The following RABGEF1 variants were observed in gnomAD, a reference collection of about 807,000 sequenced individuals.
The protein encoded by RABGEF1 is RAB guanine nucleotide exchange factor 1.
Under a neutral mutation model 57.3 loss-of-function variants are expected in RABGEF1, and 26 were observed. The ratio of observed to expected loss-of-function variants is 0.45; its 90% CI spans 0.33 to 0.63. The LOEUF is 0.63. Among genes scored for constraint, RABGEF1 ranks in the 20% least tolerant of loss-of-function variants. The probability of loss-of-function intolerance (pLI) is 0.02; values close to 1 mark genes in which losing one functional copy is unlikely to be tolerated. For synonymous variants in RABGEF1, 185 were observed against 210.7 expected (o/e 0.88, Z 1.06); for missense variants, 464 against 607.6 (o/e 0.76, Z 2.48).
chr7:66,692,069 A>G (rs1367481630), intron 1 of RABGEF1, among the ~76,000 whole-genome samples: 1 of 150,840 alleles, frequency 6.6e-6, no homozygotes, highest in Non-Finnish European at 1.5e-5. Flanking sequence ...TAAAAAACAA[A>G]CAAACAAACA....
chr7:66,733,018 C>T (rs1467860256), intron 2 of RABGEF1, among the ~76,000 whole-genome samples: 1 of 152,156 alleles, frequency 6.6e-6, no homozygotes, highest in Non-Finnish European at 1.5e-5. Context: ...CCCCAGCTCC[C>T]TATATAATGC....
the RABGEF1 span, among the ~76,000 whole-genome samples, chr7:66,659,463 A>G: frequency 6.6e-6 from 1 of 151,434 alleles, no homozygotes; most frequent in African/African-American, 2.4e-5. Context: ...AAAAAAAAAA[A>G]AGAAAAAAGA....
At chr7:66,757,877 C>T (rs1382043943) in intron 1 of RABGEF1, among the ~76,000 whole-genome samples, 1 of 152,182 alleles carries the variant, frequency 6.6e-6, no homozygotes, top group Non-Finnish European at 1.5e-5. Flanking sequence ...TCCCAAAGTG[C>T]TGGGATTACA....
intron 2 of RABGEF1, among the ~76,000 whole-genome samples, chr7:66,772,451 C>T (rs1239455982): frequency 2.7e-5 from 4 of 150,916 alleles, no homozygotes; most frequent in African/African-American, 9.9e-5. Flanking sequence ...CATTATTTCC[C>T]TCATTCTTTT....
At chr7:66,677,413 A>G (rs1301763774), upstream of RABGEF1, among the ~76,000 whole-genome samples, 2 of 152,154 alleles carry the variant, frequency 1.3e-5, no homozygotes, top group African/African-American at 4.8e-5. Context: ...TCTCTATAAA[A>G]AATAAGAAAT....
intron 2 of RABGEF1, among the ~76,000 whole-genome samples, chr7:66,721,816 A>G (rs1390321746): frequency 5.9e-5 from 9 of 152,028 alleles, no homozygotes; most frequent in Non-Finnish European, 1.0e-4. Flanking sequence ...CAAAACACAA[A>G]TTTAGGTGGT....
At chr7:66,660,363 A>G in the RABGEF1 span, among the ~76,000 whole-genome samples, 6 of 150,958 alleles carry the variant, frequency 4.0e-5, no homozygotes, top group East Asian at 9.7e-4. Context: ...AAAAAAAAAG[A>G]AAGAAAAAAG....
At chr7:66,681,691 G>C (rs1381460606), upstream of RABGEF1, among the ~76,000 whole-genome samples, 4 of 152,128 alleles carry the variant, frequency 2.6e-5, no homozygotes, top group Non-Finnish European at 4.4e-5. Context: ...TGGATCAAAC[G>C]ATTGGCTTAA....
intron 7 of RABGEF1, among the ~76,000 whole-genome samples, chr7:66,799,816 G>A (rs1786858621): frequency 6.6e-6 from 1 of 152,104 alleles, no homozygotes; most frequent in Admixed American, 6.6e-5. Context: ...GTAAGGCAAG[G>A]TAATCCCCAC....
intron 1 of RABGEF1, among the ~76,000 whole-genome samples, chr7:66,751,764 T>C (rs1801481658): frequency 6.6e-6 from 1 of 152,188 alleles, no homozygotes; most frequent in Non-Finnish European, 1.5e-5. Context: ...AAAATTTCAC[T>C]CTTGATTTTC....
chr7:66,810,745 G>A lies in RABGEF1; in HGVS notation c.*1461G>A, dbSNP rs1789337544. On this transcript the variant is annotated 3_prime_UTR_variant, in exon 9 of 9. Transcript: ENST00000284957. Reference sequence around the variant, plus strand: ...CCCCAGGGCACCGTTCTAGAACAACGTCACTTCACACAGGCAGCTGAGAAA... The same window carrying A: ...CCCCAGGGCACCGTTCTAGAACAACATCACTTCACACAGGCAGCTGAGAAA... 6.6e-6 allele frequency: 1 copy of A among 152,206 alleles called. No homozygotes were observed. Among genetic ancestry groups the A allele is most frequent in the Non-Finnish European group, 1.5e-5 (1 of 68,048 alleles). 9.4% of individuals were successfully genotyped at this position (152,206 alleles called of 1,614,324 possible).
Position 66,772,031 on chromosome 7 carries a change from C to G in RABGEF1, c.132C>G (p.His44Gln). Residue 44 changes from histidine to glutamine, a missense_variant, in exon 2 of 9, where the codon CAC (histidine) becomes CAG (glutamine). This residue lies in a region of RABGEF1 where 12 missense variants were observed against 46.0 expected (regional missense o/e 0.26). Transcript: ENST00000284957. ...FCSKCWREEY[H>Q]KARQKQIQED... is the part of the protein sequence containing the mutation. ...CCAAGTGCTGGAGGGAAGAGTACCA[C>G]AAAGCCAGGCAGAAGCAGATTCAGG... 1 of 1,584,560 alleles carries G rather than the reference C, an allele frequency of 6.3e-7. No individual in the cohort carries two copies. The highest frequency in any genetic ancestry group is 2.3e-5 in the East Asian group (1 of 42,760).
chr7:66,705,920 G>A (rs1366638191), intron 1 of RABGEF1, among the ~76,000 whole-genome samples: 2 of 117,154 alleles, frequency 1.7e-5, no homozygotes, highest in Non-Finnish European at 3.3e-5. Context: ...TTTTGAGACG[G>A]AGTCTCGCTT....
At chr7:66,661,298 C>CAAAAAAAAAAAAA in the RABGEF1 span, among the ~76,000 whole-genome samples, 2 of 78,024 alleles carry the variant, frequency 2.6e-5, no homozygotes, top group Non-Finnish European at 4.6e-5. Context: ...GACTCCATCT[C>CAAAAAAAAAAAAA]AAAAAAAAAA....
chr7:66,767,123 C>G (rs1805948998), intron 1 of RABGEF1, among the ~76,000 whole-genome samples: 1 of 151,572 alleles, frequency 6.6e-6, no homozygotes, highest in Non-Finnish European at 1.5e-5. Context: ...GTGTCTCAGC[C>G]TCCCAAGTAG....
At chr7:66,769,289 C>T (rs1228958081) in intron 1 of RABGEF1, among the ~76,000 whole-genome samples, 3 of 152,218 alleles carry the variant, frequency 2.0e-5, no homozygotes, top group African/African-American at 7.2e-5. Context: ...TGGATGAAAT[C>T]TGTGAGGCCT....
upstream of RABGEF1, among the ~76,000 whole-genome samples, chr7:66,736,766 TAGG>T (rs1287136865): frequency 2.0e-5 from 3 of 151,974 alleles, no homozygotes; most frequent in South Asian, 2.1e-4. Flanking sequence ...GAAGCTGAGG[TAGG>T]AGAATAGCTT....
At chr7:66,798,255 G>A (rs1319663527) in intron 6 of RABGEF1, among the ~76,000 whole-genome samples, 1 of 152,176 alleles carries the variant, frequency 6.6e-6, no homozygotes, top group Non-Finnish European at 1.5e-5. Flanking sequence ...CAGGCTCACT[G>A]GGGTGAGCCC....
intron 1 of RABGEF1, among the ~76,000 whole-genome samples, chr7:66,764,591 A>C (rs1421017288): frequency 6.6e-6 from 1 of 152,146 alleles, no homozygotes; most frequent in Non-Finnish European, 1.5e-5. Context: ...TTTAGCTTTT[A>C]CATTTAGGTC....
Sources: gnomAD v4.1 joint callset for allele counts (sites outside exome capture counted in the v4.1 genomes callset) on GRCh38, gnomAD v4.1.1 for gene constraint, gnomAD v4.1.1 regional missense constraint, MANE v1.5 for transcripts, NCBI Gene and HGNC (gene_info 2026-07-23, HGNC 2026-07-21) for gene names.